VPS39: variants seen among roughly 807,000 people sequenced by gnomAD.
The protein encoded by VPS39 is VPS39 subunit of HOPS complex, also known as vam6/Vps39-like protein.
Under a neutral mutation model 121.0 loss-of-function variants are expected in VPS39, and 70 were observed. The ratio of observed to expected loss-of-function variants is 0.58; its 90% CI spans 0.48 to 0.71. VPS39 has a LOEUF of 0.71. Among genes scored for constraint, VPS39 ranks in the 30% least tolerant of loss-of-function variants. The pLI is 0.00. For synonymous variants in VPS39, 378 were observed against 398.1 expected (o/e 0.95, Z 0.60); for missense variants, 818 against 1,051.5 (o/e 0.78, Z 3.07).
intron 13 of VPS39, 30 bp from the exon 14 acceptor site, chr15:42,166,943 C>T: frequency 6.2e-7 from 1 of 1,612,924 alleles, no homozygotes; most frequent in Non-Finnish European, 8.5e-7. Flanking sequence ...TCAGTGGAAA[C>T]TGCTTCCTGG....
intron 11 of VPS39, among the ~76,000 whole-genome samples, chr15:42,172,035 C>T (rs986577772): frequency 6.6e-6 from 1 of 152,160 alleles, no homozygotes; most frequent in Non-Finnish European, 1.5e-5. Flanking sequence ...TGACAAGTAG[C>T]GTGGTACACA....
At chr15:42,206,884 A>C (rs2050184589) in intron 1 of VPS39, among the ~76,000 whole-genome samples, 1 of 152,184 alleles carries the variant, frequency 6.6e-6, no homozygotes, top group East Asian at 1.9e-4. Context: ...TTCATTTAAA[A>C]ACTTTTTCTC....
intron 19 of VPS39, among the ~76,000 whole-genome samples, chr15:42,164,042 C>T (rs890605201): frequency 5.3e-5 from 8 of 152,204 alleles, no homozygotes; most frequent in Non-Finnish European, 1.0e-4. Flanking sequence ...TGCTTGCTCT[C>T]AGCTCTCATA....
At chr15:42,163,925 C>T (rs1054930001) in intron 19 of VPS39, among the ~76,000 whole-genome samples, 197 bp from the exon 20 acceptor site, 15 of 152,034 alleles carry the variant, frequency 9.9e-5, no homozygotes, top group African/African-American at 3.4e-4. Context: ...GTACTTTATC[C>T]CATCTTTTTT....
chr15:42,190,100 C>A (rs2049796507), intron 4 of VPS39, among the ~76,000 whole-genome samples: 1 of 152,104 alleles, frequency 6.6e-6, no homozygotes, highest in Non-Finnish European at 1.5e-5. Flanking sequence ...CTGGTGTGAG[C>A]CACTGCACCC....
At position 42,187,850 on chromosome 15, in the gene VPS39, C is replaced by G. The variant is rs774891320; in HGVS notation, c.349G>C (p.Glu117Gln). The change falls in exon 6 of 25, where the codon GAG becomes CAG. Residue 117 changes from glutamate (E) to glutamine (Q), a missense_variant. Coordinates refer to ENST00000318006, the MANE Select transcript of VPS39 (RefSeq NM_015289.5). The part of the protein sequence containing the change: ...SLFTCDLQHT[E>Q]TGEEVLRMCV... ...ATCCGTAACACCTCCTCACCGGTCT[C>G]TGTGTGCTGGGAGGAGACATGCAGA... 3 of 1,614,062 alleles carry G rather than the reference C, an allele frequency of 1.9e-6. No homozygotes were observed. The highest frequency in any genetic ancestry group is 2.2e-5 in the East Asian group (1 of 44,904).
chr15:42,192,193 C>A, intron 2 of VPS39: 1 of 1,205,758 alleles, frequency 8.3e-7, no homozygotes, highest in Non-Finnish European at 1.2e-6. Context: ...CAAAAGTCAC[C>A]AATGAGTCAA....
chr15:42,206,262 A>T (rs557756421), intron 1 of VPS39, among the ~76,000 whole-genome samples: 209 of 152,346 alleles, frequency 1.4e-3, no homozygotes, highest in African/African-American at 4.9e-3. Flanking sequence ...ATCCAAAGGC[A>T]CAATGTAGTT....
At chr15:42,184,832 A>G in intron 7 of VPS39, 132 bp from the exon 8 acceptor site, 1 of 872,260 alleles carries the variant, frequency 1.1e-6, no homozygotes, top group Non-Finnish European at 1.7e-6. Flanking sequence ...AATGTTACAG[A>G]GTTTATTATA....
intron 12 of VPS39, among the ~76,000 whole-genome samples, chr15:42,169,238 A>C (rs1595647101): frequency 6.6e-6 from 1 of 152,224 alleles, no homozygotes; most frequent in East Asian, 1.9e-4. Flanking sequence ...GTAAATAAAC[A>C]AAAGCTAATT....
intron 13 of VPS39, 104 bp from the exon 14 acceptor site, chr15:42,167,017 C>G: frequency 6.6e-7 from 1 of 1,503,958 alleles, no homozygotes; most frequent in Non-Finnish European, 9.0e-7. Flanking sequence ...GTAGCACAAG[C>G]AAGAGAAAGC....
rs115244101 is a variant in VPS39, at chr15:42,163,236, C to G, written c.2175+114G>C. On this transcript the variant is annotated intron_variant, in intron 21 of 24. Transcript: ENST00000318006. ...CTCAATACACACATGCAAGATCAAT[C>G]AGAGCCCTGACTCGTGCCCTGTCTT... 2,630 of 1,296,180 alleles carry G rather than the reference C, an allele frequency of 2.0e-3. 45 individuals are homozygous for G. The African/African-American group carries it at 0.035, about 17-fold the overall frequency. 80.3% of individuals were successfully genotyped at this position (1,296,180 alleles called of 1,614,324 possible).
At chr15:42,187,926 G>A in intron 5 of VPS39, 70 bp from the exon 6 acceptor site, 1 of 1,439,020 alleles carries the variant, frequency 6.9e-7, no homozygotes, top group South Asian at 1.1e-5. Flanking sequence ...CTAAATTAGA[G>A]ATTGTCTACC....
At chr15:42,176,368 C>T (rs914402128) in intron 10 of VPS39, among the ~76,000 whole-genome samples, 7 of 151,660 alleles carry the variant, frequency 4.6e-5, no homozygotes, top group Admixed American at 1.3e-4. Context: ...ATATTTTAAA[C>T]GTATACTAAA....
Position 42,187,859 on chromosome 15 carries a change from G to A in VPS39, c.343-3C>T, listed in dbSNP as rs376422664. On this transcript the variant is annotated splice_region_variant and splice_polypyrimidine_tract_variant and intron_variant, in intron 5 of 24. Transcript: ENST00000318006. ...ACCTCCTCACCGGTCTCTGTGTGCT[G>A]GGAGGAGACATGCAGAGCAAATGAA... 9 of 1,613,464 alleles carry A rather than the reference G, an allele frequency of 5.6e-6. No homozygotes were observed. Among genetic ancestry groups the A allele is most frequent in the Non-Finnish European group, 7.6e-6 (9 of 1,179,532 alleles).
chr15:42,205,921 GAAGTC>G (rs2050161770), intron 1 of VPS39, among the ~76,000 whole-genome samples: 2 of 152,196 alleles, frequency 1.3e-5, no homozygotes, highest in Non-Finnish European at 2.9e-5. Context: ...CAGAATGAAA[GAAGTC>G]AAGAACGATT....
rs540810921 is a variant in VPS39 at position 42,162,997 on chromosome 15, C to T, written c.2175+353G>A. ...GAAGCACCCCTGTCCTCAGTCACAA[C>T]AATCAAAAATGTCTCCAGACATTGA... On this transcript the variant is annotated intron_variant, in intron 21 of 24. Coordinates refer to ENST00000318006, the MANE Select transcript of VPS39 (RefSeq NM_015289.5). 3.3e-5 allele frequency among the ~76,000 whole-genome samples: 5 copies of T among 152,168 alleles called. No individual in the cohort carries two copies. The South Asian group carries it at 1.0e-3, about 32-fold the overall frequency.
chr15:42,178,134 C>T (rs2049494572), intron 10 of VPS39, 84 bp downstream of exon 10: 1 of 1,585,910 alleles, frequency 6.3e-7, no homozygotes, highest in Non-Finnish European at 8.6e-7. Context: ...TTCTACTAAC[C>T]CAAAATAAAT....
chr15:42,194,779 A>C (rs1435307410), intron 2 of VPS39, among the ~76,000 whole-genome samples: 1 of 152,098 alleles, frequency 6.6e-6, no homozygotes, highest in Non-Finnish European at 1.5e-5. Context: ...TGAGAATTAC[A>C]CAATGACCAT....
Sources: gnomAD v4.1 joint callset for allele counts (sites outside exome capture counted in the v4.1 genomes callset) on GRCh38, gnomAD v4.1.1 for gene constraint, MANE v1.5 for transcripts, NCBI Gene and HGNC (gene_info 2026-07-23, HGNC 2026-07-21) for gene names.